Variants in RBM33 observed in about 807,000 individuals in gnomAD.
The protein encoded by RBM33 is RNA binding motif protein 33.
A neutral mutation model predicts 132.6 loss-of-function variants in RBM33; 28 were observed. The ratio of observed to expected loss-of-function variants is 0.21; its 90% CI spans 0.16 to 0.29. The LOEUF (loss-of-function observed/expected upper bound fraction) is 0.29. Ranked by LOEUF, RBM33 falls within the 10% of genes least tolerant of loss-of-function variation. RBM33 has a pLI of 1.00. For missense variants in RBM33, 1,291 were observed against 1,518.5 expected (o/e 0.85, Z 2.49); for synonymous variants, 634 against 593.0 (o/e 1.07, Z -1.01).
chr7:155,663,570 C>T (rs1025174719), intron 1 of RBM33, among the ~76,000 whole-genome samples: 7 of 152,132 alleles, frequency 4.6e-5, no homozygotes, highest in African/African-American at 1.7e-4. Context: ...GCCCCGGGAC[C>T]CCAACGCCTC....
At chr7:155,773,360 G>GT (rs1802492453) in intron 16 of RBM33, among the ~76,000 whole-genome samples, 1 of 152,086 alleles carries the variant, frequency 6.6e-6, no homozygotes, top group Non-Finnish European at 1.5e-5. Flanking sequence ...GAGGTCAGAA[G>GT]TTTGAGACCA....
Position 155,742,500 on chromosome 7 carries a change from C to T in RBM33, c.2337+394C>T, listed in dbSNP as rs571189761. ...GTTCTTCCATGAATAGATGTGACTG[C>T]GTTCCGGTAAAACTTTACTTTATAA... On this transcript the variant is annotated intron_variant, in intron 13 of 17. Coordinates refer to ENST00000401878, the MANE Select transcript of RBM33 (RefSeq NM_053043.3). Among the ~76,000 whole-genome samples, 5 of 152,296 alleles carry T rather than the reference C, an allele frequency of 3.3e-5. No individual in the cohort carries two copies. The South Asian group carries it at 8.3e-4, about 25-fold the overall frequency.
In RBM33 at chr7:155,680,667, A is replaced by G. The variant is rs554610920; in HGVS notation, c.326A>G (p.Asp109Gly). ...TSFELSDNTN[D>G]QSGEQESEYE... The stretch of plus-strand genomic sequence containing the variant: ...TTTGAACTCTCTGACAACACTAACG[A>G]CCAATCTGGAGAACAGGAATCTGAG... Residue 109 changes from aspartate (D) to glycine (G), a missense_variant, in exon 5 of 18, where the codon GAC (aspartate) becomes GGC (glycine). Asp to Gly is a moderately conservative substitution (Grantham distance 94). Around this residue, in one of 7 missense-constraint regions of RBM33, gnomAD observed 194 missense variants for 249.8 expected, o/e 0.78. Coordinates refer to ENST00000401878, the MANE Select transcript of RBM33 (RefSeq NM_053043.3). The G allele has an allele frequency of 6.2e-7, 1 of 1,610,888 alleles. No homozygotes were observed. Among genetic ancestry groups the G allele is most frequent in the African/African-American group, 1.3e-5 (1 of 74,984 alleles).
chr7:155,760,767 T>G (rs1280146736), intron 14 of RBM33, among the ~76,000 whole-genome samples: 1 of 152,146 alleles, frequency 6.6e-6, no homozygotes, highest in Non-Finnish European at 1.5e-5. Flanking sequence ...GACTGAAAAA[T>G]TGTGTACTCA....
chr7:155,675,381 G>C (rs1024728579), intron 3 of RBM33, among the ~76,000 whole-genome samples: 2 of 149,000 alleles, frequency 1.3e-5, no homozygotes, highest in African/African-American at 5.0e-5. Context: ...TTTCTCCCTT[G>C]TCATTAGGGT....
intron 7 of RBM33, 23 bp from the exon 8 acceptor site, chr7:155,711,180 C>T (rs1429270753): frequency 3.4e-6 from 5 of 1,485,898 alleles, no homozygotes; most frequent in Non-Finnish European, 4.5e-6. Flanking sequence ...TAGACTCATT[C>T]TCCAAGGTTA....
intron 16 of RBM33, 24 bp downstream of exon 16, chr7:155,766,679 G>A: frequency 6.3e-7 from 1 of 1,593,958 alleles, no homozygotes; most frequent in East Asian, 2.3e-5. Flanking sequence ...GGTGGCATCT[G>A]TGCCACGGGT....
At chr7:155,751,900 A>C (rs889582664) in intron 14 of RBM33, among the ~76,000 whole-genome samples, 10 of 152,248 alleles carry the variant, frequency 6.6e-5, no homozygotes, top group African/African-American at 2.4e-4. Context: ...TTCTAATGCC[A>C]ACACTCCTGT....
At chr7:155,673,956 T>TTTTTTTTTTG (rs1799100411) in intron 3 of RBM33, among the ~76,000 whole-genome samples, 1 of 109,118 alleles carries the variant, frequency 9.2e-6, no homozygotes, top group Non-Finnish European at 1.9e-5. Flanking sequence ...TTTTTTTTTT[T>TTTTTTTTTTG]TTTTTTTTTT....
chr7:155,680,465 T>C (rs970105948), intron 4 of RBM33, 125 bp from the exon 5 acceptor site: 2 of 720,454 alleles, frequency 2.8e-6, no homozygotes, highest in Non-Finnish European at 4.5e-6. Context: ...TGTGCATTTG[T>C]CAGTAACTGG....
At position 155,704,371 on chromosome 7, in the gene RBM33, C is replaced by G. The variant is rs1217208194; in HGVS notation, c.740-2489C>G. ...CCAAGGACGATACAGAACTACATACCTAGGAAATAAATTAATTCATTACAT... is the reference window on the plus strand; with the variant it reads ...CCAAGGACGATACAGAACTACATACGTAGGAAATAAATTAATTCATTACAT... On this transcript the variant is annotated intron_variant, in intron 6 of 17. Transcript: ENST00000401878. 2.6e-5 allele frequency among the ~76,000 whole-genome samples: 4 copies of G among 152,148 alleles called. 1 individual carries two copies. Among genetic ancestry groups the G allele is most frequent in the Admixed American group, 2.6e-4 (4 of 15,278 alleles).
intron 3 of RBM33, among the ~76,000 whole-genome samples, chr7:155,675,324 G>A (rs963553887): frequency 6.7e-6 from 1 of 148,842 alleles, no homozygotes; most frequent in Non-Finnish European, 1.5e-5. Context: ...AAGAATTATA[G>A]ATATAAAACG....
chr7:155,756,622 C>T (rs1801859843), intron 14 of RBM33, among the ~76,000 whole-genome samples: 1 of 152,046 alleles, frequency 6.6e-6, no homozygotes, highest in South Asian at 2.1e-4. Context: ...GCTATTTGTT[C>T]TGAGAGATGA....
chr7:155,763,868 G>C lies in RBM33; in HGVS notation c.3036G>C (p.Gln1012His). Residue 1012 changes from glutamine (Q) to histidine (H), a missense_variant, in exon 15 of 18, where the codon CAG becomes CAC. Transcript: ENST00000401878. ...HPEGQPQRLP[Q>H]PPEVGPQPAR... ...AAGGCCAGCCCCAGCGGCTTCCCCA[G>C]CCTCCGGAAGTGGGACCACAGCCTG... 1.2e-6 allele frequency: 2 copies of C among 1,611,950 alleles called. No homozygotes were observed. The highest frequency in any genetic ancestry group is 1.3e-5 in the African/African-American group (1 of 75,038).
chr7:155,735,715 CTCT>C (rs769188759), intron 9 of RBM33, among the ~76,000 whole-genome samples: 14,882 of 93,580 alleles, frequency 0.16, 905 homozygotes, highest in East Asian at 0.34. Context: ...CTCTCTCTCT[CTCT>C]GTCTCTCTCT....
rs1447740711 is a variant in RBM33 at position 155,673,778 on chromosome 7, A to G, written c.171+863A>G. Among the ~76,000 whole-genome samples the G allele has an allele frequency of 4.8e-4, 71 of 147,778 alleles. 1 individual carries two copies. Among genetic ancestry groups the G allele is most frequent in the Admixed American group, 2.1e-3 (31 of 14,962 alleles). ...TACGCGCGCATGCGCGCACACACAC[A>G]CACACACACACACACACACACACCC... On this transcript the variant is annotated intron_variant, in intron 3 of 17. Coordinates refer to ENST00000401878, the MANE Select transcript of RBM33 (RefSeq NM_053043.3).
chr7:155,761,004 A>G (rs1239657456), intron 14 of RBM33, among the ~76,000 whole-genome samples: 1 of 152,224 alleles, frequency 6.6e-6, no homozygotes, highest in Non-Finnish European at 1.5e-5. Flanking sequence ...CAAATGGTAG[A>G]GTCATAGAGC....
intron 14 of RBM33, among the ~76,000 whole-genome samples, chr7:155,758,757 T>C (rs925838623): frequency 1.3e-5 from 2 of 152,034 alleles, no homozygotes; most frequent in Non-Finnish European, 2.9e-5. Context: ...ATCACAAGAC[T>C]CTGAAGCACC....
intron 14 of RBM33, among the ~76,000 whole-genome samples, chr7:155,759,051 A>G (rs1158163197): frequency 6.6e-6 from 1 of 152,242 alleles, no homozygotes; most frequent in Non-Finnish European, 1.5e-5. Context: ...GTCTCATCAC[A>G]GGCCTTATTC....
Sources: allele counts gnomAD v4.1 joint callset (sites outside exome capture counted in the v4.1 genomes callset), GRCh38; gene constraint gnomAD v4.1.1; regional missense constraint gnomAD v4.1.1; transcripts MANE v1.5; gene names NCBI Gene and HGNC (gene_info 2026-07-23, HGNC 2026-07-21).